CLNK: variants seen among roughly 807,000 people sequenced by gnomAD.
CLNK encodes the protein cytokine dependent hematopoietic cell linker.
Under a neutral mutation model 68.6 loss-of-function variants are expected in CLNK, and 74 were observed. That is an observed-to-expected ratio of 1.08 (90% confidence interval 0.89 to 1.31). CLNK has a LOEUF of 1.31. CLNK is among the 50% of genes most tolerant of loss of function. The pLI, the probability that CLNK is intolerant of heterozygous loss-of-function variation, is 0.00. For missense variants in CLNK, 553 were observed against 515.3 expected (o/e 1.07, Z -0.71); for synonymous variants, 198 against 172.2 (o/e 1.15, Z -1.17).
At chr4:10,719,323 T>C in the CLNK span, among the ~76,000 whole-genome samples, 1 of 152,094 alleles carries the variant, frequency 6.6e-6, no homozygotes, top group African/African-American at 2.4e-5. Context: ...AATATAATAA[T>C]ACAGGCAGTT....
intron 3 of CLNK, among the ~76,000 whole-genome samples, chr4:10,595,459 G>A (rs1721349628): frequency 1.3e-5 from 2 of 152,190 alleles, no homozygotes; most frequent in Admixed American, 1.3e-4. Context: ...TCTCAATATT[G>A]CAGACAGGTC....
At chr4:10,688,661 C>T (rs757023617), upstream of CLNK, among the ~76,000 whole-genome samples, 7 of 152,096 alleles carry the variant, frequency 4.6e-5, no homozygotes, top group Non-Finnish European at 8.8e-5. Flanking sequence ...AACCTCTTGG[C>T]ATTGTTAATG....
At chr4:10,539,415 A>C (rs1398833792) in intron 11 of CLNK, among the ~76,000 whole-genome samples, 3 of 152,208 alleles carry the variant, frequency 2.0e-5, no homozygotes, top group African/African-American at 7.2e-5. Flanking sequence ...GCCTATCCTG[A>C]GTTTTTGTAT....
intron 2 of CLNK, among the ~76,000 whole-genome samples, chr4:10,639,336 G>A (rs1723218769): frequency 1.3e-5 from 2 of 152,214 alleles, no homozygotes; most frequent in Non-Finnish European, 2.9e-5. Flanking sequence ...TTTGTCAGTG[G>A]CTTTGGCTCA....
chr4:10,537,639 C>CTTTCTTTA (rs1718823629), intron 11 of CLNK, among the ~76,000 whole-genome samples: 2 of 62,778 alleles, frequency 3.2e-5, no homozygotes, highest in South Asian at 1.5e-3. Flanking sequence ...CTTTCTTTCT[C>CTTTCTTTA]TTTCTTTCTT....
chr4:10,649,647 T>C (rs927833485), intron 2 of CLNK, among the ~76,000 whole-genome samples: 1 of 152,104 alleles, frequency 6.6e-6, no homozygotes, highest in African/African-American at 2.4e-5. Context: ...CTCTCAAACA[T>C]TGATACTTAA....
chr4:10,708,404 A>G, the CLNK span, among the ~76,000 whole-genome samples: 4 of 152,064 alleles, frequency 2.6e-5, no homozygotes, highest in African/African-American at 9.7e-5. Flanking sequence ...TCTATTTTAC[A>G]AATGAGGAAT....
At chr4:10,514,446 G>A (rs1314409928) in intron 15 of CLNK, among the ~76,000 whole-genome samples, 219 of 149,408 alleles carry the variant, frequency 1.5e-3, no homozygotes, top group Non-Finnish European at 2.3e-3. Flanking sequence ...AAATAACGCT[G>A]CATACCTACA....
the CLNK span, among the ~76,000 whole-genome samples, chr4:10,729,795 A>G: frequency 3.3e-5 from 5 of 152,220 alleles, no homozygotes; most frequent in African/African-American, 1.2e-4. Flanking sequence ...TTACCTGCCC[A>G]TTAACTTTTT....
chr4:10,540,947 G>A (rs183279935), intron 10 of CLNK, among the ~76,000 whole-genome samples: 1 of 152,228 alleles, frequency 6.6e-6, no homozygotes, highest in East Asian at 1.9e-4. Context: ...AGGCATGGTG[G>A]CTCACGCCTG....
intron 13 of CLNK, 41 bp downstream of exon 13, chr4:10,528,035 C>G (rs767565088): frequency 2.6e-6 from 3 of 1,155,220 alleles, no homozygotes; most frequent in Non-Finnish European, 3.5e-6. Flanking sequence ...AGAACCTAGT[C>G]TATTAGTATT....
intron 5 of CLNK, among the ~76,000 whole-genome samples, chr4:10,567,670 G>A (rs1720174165): frequency 6.6e-6 from 1 of 152,170 alleles, no homozygotes; most frequent in African/African-American, 2.4e-5. Flanking sequence ...TGCAAATCAT[G>A]TATCTGATAA....
intron 18 of CLNK, among the ~76,000 whole-genome samples, chr4:10,495,861 A>G (rs548995497): frequency 2.0e-5 from 3 of 152,244 alleles, no homozygotes; most frequent in African/African-American, 7.2e-5. Flanking sequence ...ACGTGATCAT[A>G]GAGGCAGAGA....
chr4:10,713,655 T>C, the CLNK span, among the ~76,000 whole-genome samples: 2 of 152,158 alleles, frequency 1.3e-5, no homozygotes, highest in African/African-American at 2.4e-5. Flanking sequence ...ATTTGGATCC[T>C]GGAAATGGAT....
intron 17 of CLNK, 147 bp from the exon 18 acceptor site, chr4:10,501,558 GTGTC>G (rs1316395647): frequency 1.1e-5 from 8 of 723,048 alleles, no homozygotes; most frequent in Non-Finnish European, 1.8e-5. Context: ...TTTTTACTGA[GTGTC>G]TGTATGCCTA....
intron 2 of CLNK, among the ~76,000 whole-genome samples, chr4:10,662,353 T>C (rs542678340): frequency 6.6e-6 from 1 of 152,326 alleles, no homozygotes; most frequent in South Asian, 2.1e-4. Context: ...GAATTCAGAA[T>C]ATGGTGGATT....
intron 2 of CLNK, among the ~76,000 whole-genome samples, chr4:10,614,970 T>C (rs1183855905): frequency 6.6e-6 from 1 of 151,684 alleles, no homozygotes; most frequent in Admixed American, 6.6e-5. Flanking sequence ...AAGATCACTT[T>C]AGGTCAGGTG....
chr4:10,668,413 T>C (rs1724493976), intron 1 of CLNK, among the ~76,000 whole-genome samples: 1 of 152,236 alleles, frequency 6.6e-6, no homozygotes, highest in African/African-American at 2.4e-5. Context: ...TTATTTACCA[T>C]ATAAATTAGC....
chr4:10,665,039 AAAG>A lies in CLNK; in HGVS notation c.11+2817_11+2819del, dbSNP rs373467817. Reference sequence around the variant, plus strand: ...GGAAAAGGATGCTCTGAGCTTTAGGAAAGAAGAAGAGTTATTCTTCAAGGCAGG... The same window carrying A: ...GGAAAAGGATGCTCTGAGCTTTAGGAAAGAAGAGTTATTCTTCAAGGCAGG... On this transcript the variant is annotated intron_variant, in intron 2 of 18. Coordinates refer to ENST00000226951, the MANE Select transcript of CLNK (RefSeq NM_052964.4). 1.4e-3 allele frequency among the ~76,000 whole-genome samples: 215 copies of A among 152,348 alleles called. 2 individuals carry two copies. The highest frequency in any genetic ancestry group is 4.9e-3 in the African/African-American group (202 of 41,576).
Sources: allele counts gnomAD v4.1 joint callset (sites outside exome capture counted in the v4.1 genomes callset), GRCh38; gene constraint gnomAD v4.1.1; transcripts MANE v1.5; gene names NCBI Gene and HGNC (gene_info 2026-07-23, HGNC 2026-07-21).